FER: variants seen among roughly 807,000 people sequenced by gnomAD.
FER encodes the protein tyrosine-protein kinase Fer.
Under a neutral mutation model 111.0 loss-of-function variants are expected in FER, and 63 were observed. The ratio of observed to expected loss-of-function variants is 0.57; its 90% CI spans 0.46 to 0.70. FER has a LOEUF of 0.70. FER is among the 30% of genes least tolerant of loss of function. The pLI is 0.00. For synonymous variants in FER, 327 were observed against 313.9 expected (o/e 1.04, Z -0.44); for missense variants, 914 against 954.0 (o/e 0.96, Z 0.55).
At chr5:108,840,549 A>G (rs1334868645) in intron 5 of FER, among the ~76,000 whole-genome samples, 1 of 151,126 alleles carries the variant, frequency 6.6e-6, no homozygotes, top group African/African-American at 2.4e-5. Context: ...TCTGGAGTCC[A>G]GTTTTCTTGT....
rs1380016369 is a variant in FER at position 108,946,147 on chromosome 5, A to G, written c.1254A>G (p.Leu418=). ...CCCTCCAGGAAAGAAAGGAGAGGCTATCCAAATTTGAATCTATTCGTCATT... is the reference window on the plus strand; with the variant it reads ...CCCTCCAGGAAAGAAAGGAGAGGCTGTCCAAATTTGAATCTATTCGTCATT... ...SVTSMERKER[L]SKFESIRHSI... is the part of the protein sequence containing the mutation. The change falls in exon 11 of 20, where the codon CTA becomes CTG. Residue 418 remains leucine (L), a synonymous_variant. Transcript: ENST00000281092. 1.2e-6 allele frequency: 2 copies of G among 1,611,988 alleles called. No homozygotes were observed. The highest frequency in any genetic ancestry group is 1.7e-6 in the Non-Finnish European group (2 of 1,178,710).
intron 16 of FER, among the ~76,000 whole-genome samples, chr5:109,061,820 C>G (rs753063522): frequency 3.9e-5 from 6 of 152,138 alleles, no homozygotes; most frequent in Non-Finnish European, 8.8e-5. Context: ...ATATGCAAAT[C>G]ATTTCTAAAA....
At chr5:109,175,595 A>C (rs1757590560) in intron 17 of FER, among the ~76,000 whole-genome samples, 1 of 152,230 alleles carries the variant, frequency 6.6e-6, no homozygotes, top group African/African-American at 2.4e-5. Context: ...AAAATAGACA[A>C]ATGGGACTAT....
intron 16 of FER, among the ~76,000 whole-genome samples, chr5:109,069,756 C>T (rs1285733979): frequency 6.6e-6 from 1 of 151,996 alleles, no homozygotes; most frequent in East Asian, 1.9e-4. Context: ...CATTGACGTC[C>T]CTGTGTTATT....
chr5:109,057,843 T>A lies in FER; in HGVS notation c.1924+10645T>A, dbSNP rs183051707. Among the ~76,000 whole-genome samples the A allele has an allele frequency of 2.6e-5, 4 of 152,192 alleles. No individual in the cohort carries two copies. In the East Asian group the frequency reaches 5.8e-4, roughly 22 times the overall value. ...AATTCTATACAACCCACTGAAAAAGTTGAAATTGAAGAATATTTCTAAACT... is the reference window on the plus strand; with the variant it reads ...AATTCTATACAACCCACTGAAAAAGATGAAATTGAAGAATATTTCTAAACT... On this transcript the variant is annotated intron_variant, in intron 16 of 19. Coordinates refer to ENST00000281092, the MANE Select transcript of FER (RefSeq NM_005246.4).
chr5:108,876,031 T>C (rs1347217839), intron 8 of FER, among the ~76,000 whole-genome samples: 1 of 152,174 alleles, frequency 6.6e-6, no homozygotes, highest in African/African-American at 2.4e-5. Flanking sequence ...ATATTTAGCT[T>C]TTAGAATATA....
At chr5:108,962,371 C>T (rs1191207223) in intron 13 of FER, among the ~76,000 whole-genome samples, 1 of 152,186 alleles carries the variant, frequency 6.6e-6, no homozygotes, top group African/African-American at 2.4e-5. Context: ...TCAAATGTCA[C>T]TTCATCAGGG....
At chr5:108,754,246 C>T (rs2149908828) in intron 1 of FER, among the ~76,000 whole-genome samples, 1 of 151,700 alleles carries the variant, frequency 6.6e-6, no homozygotes, top group Non-Finnish European at 1.5e-5. Flanking sequence ...CGGCACTCTA[C>T]AAAAAAGTTA....
At chr5:108,941,396 C>T (rs535824723) in intron 10 of FER, among the ~76,000 whole-genome samples, 5 of 152,028 alleles carry the variant, frequency 3.3e-5, no homozygotes, top group East Asian at 1.9e-4. Context: ...ATATGACACA[C>T]CAAAAAGTGA....
intron 6 of FER, among the ~76,000 whole-genome samples, chr5:108,870,789 G>T (rs1333362755): frequency 1.3e-5 from 2 of 152,114 alleles, no homozygotes; most frequent in Admixed American, 1.3e-4. Flanking sequence ...CGACAGAATA[G>T]TTTTTTCCCT....
chr5:108,940,679 G>A (rs1199097203), intron 10 of FER, among the ~76,000 whole-genome samples: 4 of 152,032 alleles, frequency 2.6e-5, no homozygotes, highest in Non-Finnish European at 4.4e-5. Flanking sequence ...CCCACAGAGC[G>A]AAGCACTATC....
intron 16 of FER, among the ~76,000 whole-genome samples, chr5:109,098,860 A>G (rs1325979501): frequency 2.0e-5 from 3 of 151,650 alleles, no homozygotes; most frequent in Non-Finnish European, 3.0e-5. Context: ...GGCTCACCTA[A>G]ATTTGTATAA....
intron 17 of FER, among the ~76,000 whole-genome samples, chr5:109,122,224 T>C (rs1414388149): frequency 1.3e-5 from 2 of 152,146 alleles, no homozygotes; most frequent in African/African-American, 4.8e-5. Context: ...AACTTCCCTC[T>C]TAGTACTGCT....
intron 2 of FER, among the ~76,000 whole-genome samples, chr5:108,783,230 T>A (rs1323574626): frequency 6.6e-6 from 1 of 152,232 alleles, no homozygotes; most frequent in Non-Finnish European, 1.5e-5. Context: ...TCCTGTGTCA[T>A]CTTCACTCTA....
At chr5:108,957,317 A>C (rs1474594322) in intron 12 of FER, among the ~76,000 whole-genome samples, 1 of 151,698 alleles carries the variant, frequency 6.6e-6, no homozygotes. Flanking sequence ...TTCTCCAAAA[A>C]GTTGTACAAA....
intron 2 of FER, among the ~76,000 whole-genome samples, chr5:108,788,477 G>A (rs980601480): frequency 6.6e-6 from 1 of 151,868 alleles, no homozygotes; most frequent in African/African-American, 2.4e-5. Context: ...GGCACCACTG[G>A]CTACAGAGGT....
intron 13 of FER, among the ~76,000 whole-genome samples, chr5:108,993,646 CGAGGGCGAGGGCGAGGGT>C (rs1763613149): frequency 1.3e-4 from 17 of 129,556 alleles, no homozygotes; most frequent in Non-Finnish European, 2.3e-4. Context: ...AGGGCGAGGG[CGAGGGCGAGGGCGAGGGT>C]GAGGGAGAGG....
At chr5:109,089,385 T>C (rs947762174) in intron 16 of FER, among the ~76,000 whole-genome samples, 6 of 152,190 alleles carry the variant, frequency 3.9e-5, no homozygotes, top group African/African-American at 1.4e-4. Flanking sequence ...GGCTGACTAA[T>C]GGTTTTTACC....
At chr5:108,960,224 G>C (rs917306959) in intron 13 of FER, among the ~76,000 whole-genome samples, 4 of 152,138 alleles carry the variant, frequency 2.6e-5, no homozygotes, top group African/African-American at 9.7e-5. Flanking sequence ...TCTGGATTTA[G>C]TGATTTGGAA....
Sources: allele counts gnomAD v4.1 joint callset (sites outside exome capture counted in the v4.1 genomes callset), GRCh38; gene constraint gnomAD v4.1.1; transcripts MANE v1.5; gene names NCBI Gene and HGNC (gene_info 2026-07-23, HGNC 2026-07-21).